NRXN3: variants seen among roughly 807,000 people sequenced by gnomAD.
The protein encoded by NRXN3 is neurexin 3.
Under a neutral mutation model 137.6 loss-of-function variants are expected in NRXN3, and 32 were observed. The observed-to-expected ratio is 0.23, with a 90% CI of 0.18 to 0.31. NRXN3 has a LOEUF of 0.31. Among genes scored for constraint, NRXN3 ranks in the 10% least tolerant of loss-of-function variants. NRXN3 has a pLI of 1.00. For synonymous variants in NRXN3, 798 were observed against 784.5 expected, an observed-to-expected ratio of 1.02 and a Z score of -0.29; for missense variants, 1,574 against 2,062.5, an observed-to-expected ratio of 0.76 and a Z score of 4.59.
chr14:79,161,610 C>T (rs1040518431), intron 15 of NRXN3, among the ~76,000 whole-genome samples: 1 of 151,924 alleles, frequency 6.6e-6, no homozygotes, highest in African/African-American at 2.4e-5. Flanking sequence ...TTTGAAATAT[C>T]TTTGAAAGTT....
chr14:79,141,161 A>G (rs915402014), intron 15 of NRXN3, among the ~76,000 whole-genome samples: 1 of 152,186 alleles, frequency 6.6e-6, no homozygotes, highest in Non-Finnish European at 1.5e-5. Flanking sequence ...GGGCGTAGTA[A>G]TAAATGATAT....
At chr14:79,360,682 A>T (rs1017338468) in intron 15 of NRXN3, among the ~76,000 whole-genome samples, 2 of 152,182 alleles carry the variant, frequency 1.3e-5, no homozygotes, top group Admixed American at 1.3e-4. Flanking sequence ...GGTCACAAAG[A>T]TTTCAGATAA....
intron 1 of NRXN3, among the ~76,000 whole-genome samples, chr14:78,222,382 C>T (rs550282998): frequency 1.2e-4 from 19 of 152,188 alleles, no homozygotes; most frequent in Admixed American, 9.2e-4. Flanking sequence ...TGGGCTCACC[C>T]GAGGTAAACT....
At chr14:78,733,472 A>G (rs2098526566) in intron 8 of NRXN3, among the ~76,000 whole-genome samples, 1 of 152,224 alleles carries the variant, frequency 6.6e-6, no homozygotes. Context: ...AAGAAATGCG[A>G]CCATCCAAGC....
intron 4 of NRXN3, among the ~76,000 whole-genome samples, chr14:78,630,597 C>CTTTTTTTTTTTTTTTTTTTTTTTTTT (rs370862037): frequency 7.8e-6 from 1 of 127,838 alleles, no homozygotes; most frequent in Non-Finnish European, 1.7e-5. Flanking sequence ...TTCTTTCTTT[C>CTTTTTTTTTTTTTTTTTTTTTTTTTT]TTTTTTTTTT....
chr14:79,194,817 G>A (rs1461744317), intron 15 of NRXN3, among the ~76,000 whole-genome samples: 1 of 152,152 alleles, frequency 6.6e-6, no homozygotes, highest in East Asian at 1.9e-4. Flanking sequence ...GAAAATACAA[G>A]TCTTGAGCTC....
At chr14:79,323,852 C>T (rs1461490373) in intron 15 of NRXN3, among the ~76,000 whole-genome samples, 3 of 150,980 alleles carry the variant, frequency 2.0e-5, no homozygotes, top group Non-Finnish European at 2.9e-5. Context: ...AGTGAGACTT[C>T]ATCTCAAAAA....
At chr14:79,436,353 T>C (rs1206542618) in intron 15 of NRXN3, among the ~76,000 whole-genome samples, 1 of 152,242 alleles carries the variant, frequency 6.6e-6, no homozygotes, top group Non-Finnish European at 1.5e-5. Flanking sequence ...TCTCTGGTGT[T>C]TGAATGCACC....
At chr14:78,830,557 C>CT (rs1237486464) in intron 10 of NRXN3, among the ~76,000 whole-genome samples, 3 of 151,928 alleles carry the variant, frequency 2.0e-5, no homozygotes, top group Non-Finnish European at 2.9e-5. Context: ...GGTTTTTACT[C>CT]TTTTTTTAAA....
chr14:79,563,640 G>A (rs1458348553), intron 16 of NRXN3, among the ~76,000 whole-genome samples: 1 of 149,002 alleles, frequency 6.7e-6, no homozygotes, highest in Non-Finnish European at 1.5e-5. Context: ...TTCTATCAGG[G>A]ATGAGCTTCC....
chr14:78,743,846 T>A (rs10150420), intron 8 of NRXN3, among the ~76,000 whole-genome samples: 1 of 151,988 alleles, frequency 6.6e-6, no homozygotes, highest in Non-Finnish European at 1.5e-5. Flanking sequence ...CAGATTTAAG[T>A]CTTATTAAGA....
intron 15 of NRXN3, among the ~76,000 whole-genome samples, chr14:79,010,882 A>T (rs1302356576): frequency 6.6e-6 from 1 of 152,174 alleles, no homozygotes; most frequent in East Asian, 1.9e-4. Context: ...TTAGAAGCCC[A>T]TCCCCTTGAC....
rs114044656 is a variant in NRXN3, at chr14:79,051,617, T to C, written c.3262+63476T>C. Among the ~76,000 whole-genome samples, 961 of 152,340 alleles carry C rather than the reference T, an allele frequency of 6.3e-3. 10 individuals are homozygous for C. Among genetic ancestry groups the C allele is most frequent in the African/African-American group, 0.022 (911 of 41,574 alleles). ...GAGCTGGAAAGTCCCTTTGGTTTGA[T>C]ATAAACGGCCTTCATTTTTATGGAG... On this transcript the variant is annotated intron_variant, in intron 15 of 20. Transcript: ENST00000335750.
intron 15 of NRXN3, among the ~76,000 whole-genome samples, chr14:79,025,930 G>A (rs1374770046): frequency 6.6e-6 from 1 of 152,118 alleles, no homozygotes; most frequent in Admixed American, 6.5e-5. Context: ...TCAGCCTCCA[G>A]TTTGTTGCCT....
intron 16 of NRXN3, among the ~76,000 whole-genome samples, chr14:79,595,926 T>C (rs1375489235): frequency 2.0e-5 from 3 of 152,142 alleles, no homozygotes; most frequent in African/African-American, 2.4e-5. Context: ...ATAAAGAAAA[T>C]GTCAATCCAA....
chr14:79,245,853 C>A (rs1171255678), intron 15 of NRXN3, among the ~76,000 whole-genome samples: 1 of 152,030 alleles, frequency 6.6e-6, no homozygotes, highest in Non-Finnish European at 1.5e-5. Context: ...CACACAGAAA[C>A]ACACATAAAT....
At chr14:78,448,628 G>T (rs533162538) in intron 4 of NRXN3, among the ~76,000 whole-genome samples, 54 of 152,318 alleles carry the variant, frequency 3.5e-4, no homozygotes, top group African/African-American at 1.3e-3. Context: ...ACGGACACCG[G>T]ATGTTGTGCA....
chr14:78,475,091 A>G (rs964794074), intron 4 of NRXN3, among the ~76,000 whole-genome samples: 1 of 152,166 alleles, frequency 6.6e-6, no homozygotes, highest in Non-Finnish European at 1.5e-5. Context: ...TCCAGTAGCA[A>G]GAGTTTAACC....
intron 15 of NRXN3, among the ~76,000 whole-genome samples, chr14:79,252,172 C>T (rs903928600): frequency 6.6e-6 from 1 of 152,086 alleles, no homozygotes; most frequent in African/African-American, 2.4e-5. Context: ...TAATCAGATG[C>T]CTCCAATTCC....
Sources: allele counts gnomAD v4.1 joint callset (sites outside exome capture counted in the v4.1 genomes callset), GRCh38; gene constraint gnomAD v4.1.1; transcripts MANE v1.5; gene names NCBI Gene and HGNC (gene_info 2026-07-23, HGNC 2026-07-21).